Variants in CUX2 observed in about 807,000 individuals in gnomAD.
CUX2 encodes the protein cut like homeobox 2, also known as homeobox protein cut-like 2.
CUX2 carries 40 observed loss-of-function variants against 144.8 expected under a neutral mutation model. That is an observed-to-expected ratio of 0.28 (90% CI 0.21 to 0.36). The LOEUF is 0.36. Among genes scored for constraint, CUX2 ranks in the 10% least tolerant of loss-of-function variants. The pLI is 1.00. For synonymous variants in CUX2, 827 were observed against 875.6 expected, an observed-to-expected ratio of 0.94 and a Z score of 0.98; for missense variants, 1,615 against 1,994.0, an observed-to-expected ratio of 0.81 and a Z score of 3.62.
intron 1 of CUX2, among the ~76,000 whole-genome samples, chr12:111,145,956 C>T (rs1018461039): frequency 2.0e-5 from 3 of 152,292 alleles, no homozygotes; most frequent in East Asian, 1.9e-4. Flanking sequence ...CCACCCACCT[C>T]GGCCTCCCAA....
At chr12:111,196,716 A>C (rs989766132) in intron 1 of CUX2, among the ~76,000 whole-genome samples, 1 of 152,224 alleles carries the variant, frequency 6.6e-6, no homozygotes, top group African/African-American at 2.4e-5. Context: ...TACTGAGCAC[A>C]TGACTATGGC....
At chr12:111,142,398 C>T (rs1417156775) in intron 1 of CUX2, among the ~76,000 whole-genome samples, 1 of 152,002 alleles carries the variant, frequency 6.6e-6, no homozygotes, top group Non-Finnish European at 1.5e-5. Flanking sequence ...TTAGAAAAGT[C>T]TTCAGACCAT....
chr12:111,046,144 G>A (rs1183023974), intron 1 of CUX2, among the ~76,000 whole-genome samples: 3 of 152,210 alleles, frequency 2.0e-5, no homozygotes, highest in Non-Finnish European at 2.9e-5. Context: ...GGCCCACCCG[G>A]AGCCAGCAGC....
intron 1 of CUX2, among the ~76,000 whole-genome samples, chr12:111,173,459 G>A (rs948610063): frequency 1.3e-5 from 2 of 152,228 alleles, no homozygotes; most frequent in Non-Finnish European, 2.9e-5. Flanking sequence ...TAGTTCCGGG[G>A]CACCTACTCT....
rs1878968911 is a variant in CUX2 at position 111,178,240 on chromosome 12, C to A, written c.64-35960C>A. ...CTCTTTTCACTTTCATTTTAAAAACCAGCCAGTGTAATAAATCTTGCCCCG... is the reference window on the plus strand; with the variant it reads ...CTCTTTTCACTTTCATTTTAAAAACAAGCCAGTGTAATAAATCTTGCCCCG... On this transcript the variant is annotated intron_variant, in intron 1 of 21. Coordinates refer to ENST00000261726, the MANE Select transcript of CUX2 (RefSeq NM_015267.4). This position sits in a 1 kb window ranked among gnomAD's most constrained non-coding sequence, Gnocchi z 5.7. Among the ~76,000 whole-genome samples, 1 of 152,214 alleles carries A rather than the reference C, an allele frequency of 6.6e-6. No homozygotes were observed. The highest frequency in any genetic ancestry group is 1.5e-5 in the Non-Finnish European group (1 of 68,034).
chr12:111,213,327 G>A (rs1240945653), intron 1 of CUX2, among the ~76,000 whole-genome samples: 1 of 152,184 alleles, frequency 6.6e-6, no homozygotes, highest in Non-Finnish European at 1.5e-5. Flanking sequence ...CTCCCCTTGT[G>A]AAACTGCCAC....
At position 111,255,209 on chromosome 12, in the gene CUX2, G is replaced by T. The variant is rs1405627533; in HGVS notation, c.223-8552G>T. Among the ~76,000 whole-genome samples, 1 of 152,134 alleles carries T rather than the reference G, an allele frequency of 6.6e-6. No individual in the cohort carries two copies. Among genetic ancestry groups the T allele is most frequent in the African/African-American group, 2.4e-5 (1 of 41,420 alleles). ...GGATGGGGCCTCTCTGGGACCCCTGGGTGACCCTCCAGAGGGCCAGAGAGG... is the reference window on the plus strand; with the variant it reads ...GGATGGGGCCTCTCTGGGACCCCTGTGTGACCCTCCAGAGGGCCAGAGAGG... On this transcript the variant is annotated intron_variant, in intron 3 of 21. Coordinates refer to ENST00000261726, the MANE Select transcript of CUX2 (RefSeq NM_015267.4). The surrounding 1 kb of genome is among the most constrained non-coding windows in gnomAD (Gnocchi z 4.1).
intron 18 of CUX2, among the ~76,000 whole-genome samples, chr12:111,324,220 T>C (rs112116742): frequency 0.068 from 10,366 of 151,540 alleles, 729 homozygotes; most frequent in African/African-American, 0.18. Context: ...AATGGTGGCG[T>C]GCACATGTAA....
intron 1 of CUX2, among the ~76,000 whole-genome samples, chr12:111,095,075 G>T (rs2136059888): frequency 6.6e-6 from 1 of 152,256 alleles, no homozygotes; most frequent in Middle Eastern, 3.4e-3. Context: ...ACCTCAGTCT[G>T]CCCAGCACCA....
At chr12:111,163,220 A>G (rs997932396) in intron 1 of CUX2, among the ~76,000 whole-genome samples, 1 of 152,210 alleles carries the variant, frequency 6.6e-6, no homozygotes, top group Non-Finnish European at 1.5e-5. Flanking sequence ...TATATCTGGC[A>G]TATAGTACTC....
chr12:111,226,212 G>T (rs1397940553), intron 3 of CUX2, among the ~76,000 whole-genome samples: 1 of 152,216 alleles, frequency 6.6e-6, no homozygotes, highest in Admixed American at 6.5e-5. Flanking sequence ...CCAAAGTGCT[G>T]GGATTACAGG....
intron 1 of CUX2, among the ~76,000 whole-genome samples, chr12:111,200,818 TTC>T (rs1056867211): frequency 3.3e-5 from 5 of 152,200 alleles, no homozygotes; most frequent in African/African-American, 1.2e-4. Flanking sequence ...TACGAAAATT[TTC>T]TCTTTATGAA....
rs764546575 is a variant in CUX2, at chr12:111,312,064, G to C, written c.1901-36G>C. On this transcript the variant is annotated intron_variant, in intron 15 of 21. Coordinates refer to ENST00000261726, the MANE Select transcript of CUX2 (RefSeq NM_015267.4). The surrounding 1 kb of genome is among the most constrained non-coding windows in gnomAD (Gnocchi z 4.3). ...AGGCTCCGGAGACTGAGCCCAACAT[G>C]CAGATCCTGCCACAGATGCCTTCTT... is the stretch of plus-strand genomic sequence containing the variant. 1 of 1,582,252 alleles carries C rather than the reference G, an allele frequency of 6.3e-7. No individual in the cohort carries two copies. Among genetic ancestry groups the C allele is most frequent in the Non-Finnish European group, 8.7e-7 (1 of 1,155,836 alleles).
At chr12:111,050,902 C>A (rs755562603) in intron 1 of CUX2, among the ~76,000 whole-genome samples, 1 of 152,122 alleles carries the variant, frequency 6.6e-6, no homozygotes, top group Non-Finnish European at 1.5e-5. Flanking sequence ...TACAAACATA[C>A]AATTAGATAG....
chr12:111,081,873 G>T (rs1305200951), intron 1 of CUX2, among the ~76,000 whole-genome samples: 2 of 152,082 alleles, frequency 1.3e-5, no homozygotes, highest in African/African-American at 4.8e-5. Flanking sequence ...TTCCAAAACT[G>T]TAAGACCACT....
In CUX2 at chr12:111,263,959, G is replaced by A. The variant is rs1477546693; in HGVS notation, c.301+120G>A. 20 of 928,960 alleles carry A rather than the reference G, an allele frequency of 2.2e-5. No homozygotes were observed. The highest frequency in any genetic ancestry group is 3.3e-5 in the Non-Finnish European group (19 of 573,620). 57.5% of individuals were successfully genotyped at this position (928,960 alleles called of 1,614,324 possible). On this transcript the variant is annotated intron_variant, in intron 4 of 21. Transcript: ENST00000261726. This position sits in a 1 kb window ranked among gnomAD's most constrained non-coding sequence, Gnocchi z 4.0. ...ATGCCTGGGCTCCTGGGTGAGGCCA[G>A]GCACTCTGTATAGGGCAGGGGGAGC...
At chr12:111,330,721 A>ATG in intron 18 of CUX2, among the ~76,000 whole-genome samples, 1 of 54,832 alleles carries the variant, frequency 1.8e-5, no homozygotes, top group Admixed American at 1.6e-4. Flanking sequence ...ATATATATAT[A>ATG]TATATATATA....
intron 4 of CUX2, among the ~76,000 whole-genome samples, 185 bp from the exon 5 acceptor site, chr12:111,291,233 G>A (rs1258843277): frequency 6.6e-6 from 1 of 152,108 alleles, no homozygotes; most frequent in East Asian, 1.9e-4. Context: ...GAGATAGCAG[G>A]TGCTCCCCTG....
rs1282407665 is a variant in CUX2, at chr12:111,307,229, G to A, written c.1081G>A (p.Asp361Asn). Residue 361 changes from aspartate (D) to asparagine (N), a missense_variant, in exon 12 of 22, where the codon GAC becomes AAC. Coordinates refer to ENST00000261726, the MANE Select transcript of CUX2 (RefSeq NM_015267.4). This position sits in a 1 kb window ranked among gnomAD's most constrained non-coding sequence, Gnocchi z 4.1. ...KLEEKLQAQSDYEEIKTELSI... is the reference protein window; with the variant it reads ...KLEEKLQAQSNYEEIKTELSI... Reference sequence around the variant, plus strand: ...GGAAGAGAAGCTCCAGGCCCAGTCTGACTATGAGGAAATTAAAACGGAGCT... The same window carrying A: ...GGAAGAGAAGCTCCAGGCCCAGTCTAACTATGAGGAAATTAAAACGGAGCT... 6.2e-7 allele frequency: 1 copy of A among 1,614,156 alleles called. No homozygotes were observed. The highest frequency in any genetic ancestry group is 8.5e-7 in the Non-Finnish European group (1 of 1,180,042).
Sources: gnomAD v4.1 joint callset for allele counts (sites outside exome capture counted in the v4.1 genomes callset) on GRCh38, gnomAD v4.1.1 for gene constraint, Gnocchi (gnomAD v3.1) non-coding constraint, MANE v1.5 for transcripts, NCBI Gene and HGNC (gene_info 2026-07-23, HGNC 2026-07-21) for gene names.